Variants in NFATC3 observed in about 807,000 individuals in gnomAD.
NFATC3 encodes the protein nuclear factor of activated T cells 3.
A neutral mutation model predicts 98.6 loss-of-function variants in NFATC3; 46 were observed. The observed-to-expected ratio is 0.47, with a 90% CI of 0.37 to 0.60. The LOEUF is 0.60. NFATC3 is among the 20% of genes least tolerant of loss of function. The pLI is 0.00. For synonymous variants in NFATC3, 512 were observed against 472.2 expected (o/e 1.08, Z -1.09); for missense variants, 1,256 against 1,295.5 (o/e 0.97, Z 0.47).
chr16:68,217,799 C>T, intron 9 of NFATC3: 3 of 1,231,526 alleles, frequency 2.4e-6, no homozygotes, highest in Non-Finnish European at 3.0e-6. Flanking sequence ...GGAGGCCAAG[C>T]AAGTGATGAG....
intron 9 of NFATC3, among the ~76,000 whole-genome samples, chr16:68,220,676 G>A (rs1483353972): frequency 6.7e-6 from 1 of 149,846 alleles, no homozygotes; most frequent in Non-Finnish European, 1.5e-5. Context: ...GGGAGGTCGA[G>A]GCAGGTGGAT....
chr16:68,122,352 T>A lies in NFATC3; in HGVS notation c.469T>A (p.Tyr157Asn). 6.2e-7 allele frequency: 1 copy of A among 1,614,168 alleles called. No homozygotes were observed. Among genetic ancestry groups the A allele is most frequent in the Non-Finnish European group, 8.5e-7 (1 of 1,180,030 alleles). The change falls in exon 2 of 10, where the codon TAC becomes AAC. Residue 157 changes from tyrosine to asparagine, a missense_variant. By Grantham distance (143) the Tyr-to-Asn change is moderately radical. Coordinates refer to ENST00000346183, the MANE Select transcript of NFATC3 (RefSeq NM_173165.3). ...TCTCTATCTTCCTCTTGAGCCATCCTACCGGGAGTCTTCTCTTAGTCCTAG... is the reference window on the plus strand; with the variant it reads ...TCTCTATCTTCCTCTTGAGCCATCCAACCGGGAGTCTTCTCTTAGTCCTAG... ...DHLYLPLEPS[Y>N]RESSLSPSPA...
intron 8 of NFATC3, chr16:68,189,238 G>C (rs1375666563): frequency 2.0e-5 from 3 of 153,184 alleles, no homozygotes; most frequent in Non-Finnish European, 4.4e-5. Context: ...TTTTAAATCA[G>C]GAAGTCCTGA....
intron 1 of NFATC3, among the ~76,000 whole-genome samples, chr16:68,118,909 C>T (rs1477883920): frequency 6.6e-6 from 1 of 152,080 alleles, no homozygotes; most frequent in Admixed American, 6.6e-5. Context: ...GCTCTGTTGC[C>T]CAGGCTGGAG....
At position 68,179,285 on chromosome 16, in the gene NFATC3, T is replaced by A. The variant is rs187275613; in HGVS notation, c.1916-2190T>A. Among the ~76,000 whole-genome samples, 15 of 152,318 alleles carry A rather than the reference T, an allele frequency of 9.8e-5. No homozygotes were observed. The East Asian group carries it at 2.9e-3, about 29-fold the overall frequency. On this transcript the variant is annotated intron_variant, in intron 6 of 9. Transcript: ENST00000346183. ...TTTATTAATTATTGTACCCAACACA[T>A]TTTATTATAATCAACTGTTTGCGTT...
chr16:68,183,119 C>G, intron 7 of NFATC3, 121 bp from the exon 8 acceptor site: 2 of 938,404 alleles, frequency 2.1e-6, no homozygotes, highest in Non-Finnish European at 3.1e-6. Context: ...ATATGACTAG[C>G]TGATGTGCAT....
chr16:68,178,506 C>T (rs1278341275), intron 6 of NFATC3, among the ~76,000 whole-genome samples: 3 of 152,124 alleles, frequency 2.0e-5, no homozygotes, highest in Non-Finnish European at 4.4e-5. Flanking sequence ...TGAATACAAC[C>T]TTCAGGTTGT....
At chr16:68,197,406 G>A (rs2040722711) in intron 9 of NFATC3, among the ~76,000 whole-genome samples, 1 of 152,282 alleles carries the variant, frequency 6.6e-6, no homozygotes, top group East Asian at 1.9e-4. Flanking sequence ...GCTTCAGCCT[G>A]CTGAGTAACT....
At chr16:68,171,351 G>A (rs530899948) in intron 5 of NFATC3, among the ~76,000 whole-genome samples, 1 of 152,052 alleles carries the variant, frequency 6.6e-6, no homozygotes, top group African/African-American at 2.4e-5. Flanking sequence ...TGTAATCAGT[G>A]TTTGTTTTCC....
At chr16:68,194,325 T>A (rs901162805) in intron 9 of NFATC3, among the ~76,000 whole-genome samples, 1 of 152,224 alleles carries the variant, frequency 6.6e-6, no homozygotes, top group Non-Finnish European at 1.5e-5. Flanking sequence ...GTGCACAATT[T>A]CACTGCGTTA....
Position 68,190,868 on chromosome 16 carries a change from A to T in NFATC3, c.2199A>T (p.Ser733=). ...PAQTQRPSSD[S]GCSHDSVLSG... ...AGACCCAGAGGCCTTCCTCTGATTC[A>T]GGGTGTTCACATGACAGTGTACTGT... Residue 733 remains serine (S), a synonymous_variant, in exon 9 of 10, where the codon TCA becomes TCT. Coordinates refer to ENST00000346183, the MANE Select transcript of NFATC3 (RefSeq NM_173165.3). 6.2e-7 allele frequency: 1 copy of T among 1,614,236 alleles called. No individual in the cohort carries two copies. Among genetic ancestry groups the T allele is most frequent in the South Asian group, 1.1e-5 (1 of 91,080 alleles).
intron 9 of NFATC3, among the ~76,000 whole-genome samples, chr16:68,211,302 C>T (rs1199538814): frequency 1.3e-5 from 2 of 151,958 alleles, no homozygotes; most frequent in East Asian, 1.9e-4. Flanking sequence ...ATTCTCCTGC[C>T]TCAGCCTCTC....
chr16:68,169,615 C>T (rs1270276810), intron 5 of NFATC3, among the ~76,000 whole-genome samples: 6 of 151,866 alleles, frequency 4.0e-5, no homozygotes, highest in African/African-American at 9.7e-5. Context: ...TGAAGTTACG[C>T]TAAAATGATT....
At chr16:68,170,125 G>A (rs2039387574) in intron 5 of NFATC3, among the ~76,000 whole-genome samples, 1 of 152,044 alleles carries the variant, frequency 6.6e-6, no homozygotes, top group African/African-American at 2.4e-5. Flanking sequence ...GGGCATGGTG[G>A]CTCACGCCTG....
At chr16:68,100,703 T>A (rs989019335) in intron 1 of NFATC3, among the ~76,000 whole-genome samples, 20 of 152,184 alleles carry the variant, frequency 1.3e-4, no homozygotes, top group Non-Finnish European at 2.4e-4. Context: ...CTTTTTTTTT[T>A]AATCATTCTG....
intron 3 of NFATC3, chr16:68,138,922 A>AACCTTTCTT: frequency 2.1e-6 from 1 of 472,382 alleles, no homozygotes; most frequent in Non-Finnish European, 3.3e-6. Flanking sequence ...CAAGTAACTT[A>AACCTTTCTT]ACCTTTCTTT....
intron 1 of NFATC3, among the ~76,000 whole-genome samples, chr16:68,109,455 G>T (rs1040665027): frequency 6.6e-5 from 10 of 152,194 alleles, no homozygotes; most frequent in Admixed American, 3.9e-4. Flanking sequence ...GCTTTTTGAT[G>T]TGCTGCTGGA....
At chr16:68,200,260 T>G (rs2151133081) in intron 9 of NFATC3, 1 of 151,976 alleles carries the variant, frequency 6.6e-6, no homozygotes, top group Non-Finnish European at 1.5e-5. Flanking sequence ...GTAGCTAGCT[T>G]GTTGTGGGTT....
chr16:68,112,003 G>A (rs1257860600), intron 1 of NFATC3, among the ~76,000 whole-genome samples: 1 of 152,086 alleles, frequency 6.6e-6, no homozygotes, highest in East Asian at 1.9e-4. Context: ...TTAGTTTGAT[G>A]GGCTTACCTT....
Sources: allele counts gnomAD v4.1 joint callset (sites outside exome capture counted in the v4.1 genomes callset), GRCh38; gene constraint gnomAD v4.1.1; transcripts MANE v1.5; gene names NCBI Gene and HGNC (gene_info 2026-07-23, HGNC 2026-07-21).